ST7: variants seen among roughly 807,000 people sequenced by gnomAD.
ST7 encodes suppression of tumorigenicity 7.
Under a neutral mutation model 78.7 loss-of-function variants are expected in ST7, and 28 were observed. That is an observed-to-expected ratio of 0.36 (90% confidence interval 0.26 to 0.49). The LOEUF is 0.49. ST7 is among the 20% of genes least tolerant of loss of function. The probability of loss-of-function intolerance (pLI) is 0.99; values close to 1 mark genes in which losing one functional copy is unlikely to be tolerated. For missense variants in ST7, 418 were observed against 696.0 expected, an observed-to-expected ratio of 0.60 and a Z score of 4.49; for synonymous variants, 247 against 249.6, an observed-to-expected ratio of 0.99 and a Z score of 0.10.
intron 2 of ST7, among the ~76,000 whole-genome samples, chr7:117,103,041 A>C (rs1178020099): frequency 6.6e-6 from 1 of 152,204 alleles, no homozygotes; most frequent in Non-Finnish European, 1.5e-5. Flanking sequence ...AGATGCATAC[A>C]AGGAAAACTA....
chr7:117,126,971 G>T (rs568910533), intron 3 of ST7, among the ~76,000 whole-genome samples: 24 of 151,990 alleles, frequency 1.6e-4, no homozygotes, highest in Non-Finnish European at 2.9e-4. Context: ...GTCAGCACTT[G>T]TGAGTAGAGA....
chr7:117,172,235 A>G (rs566800010), intron 10 of ST7, among the ~76,000 whole-genome samples: 6 of 152,324 alleles, frequency 3.9e-5, no homozygotes, highest in African/African-American at 1.2e-4. Flanking sequence ...GTGAGCCACC[A>G]CACCTGGCCA....
intron 7 of ST7, among the ~76,000 whole-genome samples, chr7:117,135,302 T>C (rs569069149): frequency 6.6e-6 from 1 of 152,232 alleles, no homozygotes; most frequent in South Asian, 2.1e-4. Flanking sequence ...TATGAGATGA[T>C]ATATGTTAAG....
intron 1 of ST7, among the ~76,000 whole-genome samples, chr7:116,965,320 A>G (rs1488941887): frequency 1.4e-5 from 2 of 145,476 alleles, no homozygotes; most frequent in Non-Finnish European, 3.0e-5. Flanking sequence ...AGCCTGGGCG[A>G]CTGAGTGAGA....
intron 9 of ST7, among the ~76,000 whole-genome samples, chr7:117,160,243 A>AAAAGAAAG (rs915033233): frequency 6.6e-6 from 1 of 150,500 alleles, no homozygotes; most frequent in African/African-American, 2.5e-5. Flanking sequence ...AAAAAAAAAA[A>AAAAGAAAG]AAAGAAAGAA....
chr7:117,004,482 G>A (rs902640494), intron 1 of ST7, among the ~76,000 whole-genome samples: 8 of 152,074 alleles, frequency 5.3e-5, no homozygotes, highest in Non-Finnish European at 8.8e-5. Context: ...CTAACATGGC[G>A]AAACCCCATC....
intron 1 of ST7, among the ~76,000 whole-genome samples, chr7:117,013,489 A>AT (rs1453710416): frequency 6.6e-6 from 1 of 152,216 alleles, no homozygotes; most frequent in Non-Finnish European, 1.5e-5. Flanking sequence ...GGAAGCACTG[A>AT]TTAGACGACT....
At chr7:117,105,099 T>G (rs1400213371) in intron 2 of ST7, among the ~76,000 whole-genome samples, 1 of 152,224 alleles carries the variant, frequency 6.6e-6, no homozygotes, top group East Asian at 1.9e-4. Flanking sequence ...TAAATAGTTC[T>G]CTTTGGAATT....
At position 117,190,970 on chromosome 7, in the gene ST7, TG is replaced by T; in HGVS notation, c.1254+35del. The T allele has an allele frequency of 6.5e-7, 1 of 1,535,948 alleles. No individual in the cohort carries two copies. Among genetic ancestry groups the T allele is most frequent in the East Asian group, 2.2e-5 (1 of 44,498 alleles). ...GTGGAATCCCCACAGGAACTCGTTA[TG>T]ATAGCAGAGAAAGCATTCATTGACC... On this transcript the variant is annotated intron_variant, in intron 12 of 15. Coordinates refer to ENST00000323984, the MANE Select transcript of ST7 (RefSeq NM_001369598.1). This position sits in a 1 kb window ranked among gnomAD's most constrained non-coding sequence, Gnocchi z 5.2.
At chr7:116,976,412 A>C (rs796747388) in intron 1 of ST7, among the ~76,000 whole-genome samples, 106 of 152,338 alleles carry the variant, frequency 7.0e-4, no homozygotes, top group African/African-American at 2.5e-3. Context: ...GACTTCAGGC[A>C]CTGAGCTCCA....
At chr7:117,111,887 G>A (rs931388683) in intron 2 of ST7, among the ~76,000 whole-genome samples, 2 of 152,112 alleles carry the variant, frequency 1.3e-5, no homozygotes, top group African/African-American at 4.8e-5. Context: ...TGCAGAAAAT[G>A]CTCCCCTTAA....
At chr7:117,124,948 A>AT (rs1803703893) in intron 3 of ST7, among the ~76,000 whole-genome samples, 1 of 152,064 alleles carries the variant, frequency 6.6e-6, no homozygotes, top group Non-Finnish European at 1.5e-5. Flanking sequence ...GACTCTTTAT[A>AT]TCCAGGCCAT....
intron 1 of ST7, among the ~76,000 whole-genome samples, chr7:117,010,418 G>T (rs1185084067): frequency 1.3e-5 from 2 of 152,166 alleles, no homozygotes; most frequent in Non-Finnish European, 2.9e-5. Context: ...TTTTGGGATA[G>T]GCCATGAGGT....
intron 13 of ST7, among the ~76,000 whole-genome samples, chr7:117,217,190 C>T (rs1792752198): frequency 6.6e-6 from 1 of 151,396 alleles, no homozygotes; most frequent in Non-Finnish European, 1.5e-5. Context: ...TTTATAGCCA[C>T]TTTGAAAACT....
intron 2 of ST7, among the ~76,000 whole-genome samples, chr7:117,110,596 A>T (rs1348650454): frequency 1.3e-5 from 2 of 152,102 alleles, no homozygotes; most frequent in African/African-American, 4.8e-5. Context: ...TCTGTCACTC[A>T]TTTCACTGCC....
At chr7:117,043,165 A>G (rs1284900357) in intron 1 of ST7, among the ~76,000 whole-genome samples, 1 of 152,178 alleles carries the variant, frequency 6.6e-6, no homozygotes, top group Non-Finnish European at 1.5e-5. Flanking sequence ...TAATCTTTGG[A>G]TATTTTCTAG....
At chr7:117,125,597 A>T (rs1463091619) in intron 3 of ST7, among the ~76,000 whole-genome samples, 17 of 152,070 alleles carry the variant, frequency 1.1e-4, no homozygotes, top group Admixed American at 1.1e-3. Flanking sequence ...CTTTAAATTG[A>T]TCTGAATAAT....
At chr7:117,040,504 A>G (rs1414092014) in intron 1 of ST7, among the ~76,000 whole-genome samples, 1 of 152,238 alleles carries the variant, frequency 6.6e-6, no homozygotes, top group African/African-American at 2.4e-5. Context: ...CTAGTGTTCA[A>G]TACATGTTTA....
chr7:117,106,926 A>C (rs1357644961), intron 2 of ST7, among the ~76,000 whole-genome samples: 3 of 150,976 alleles, frequency 2.0e-5, no homozygotes, highest in Non-Finnish European at 3.0e-5. Flanking sequence ...GGCCCATTGT[A>C]TCATTCTTAA....
Sources: gnomAD v4.1 joint callset for allele counts (sites outside exome capture counted in the v4.1 genomes callset) on GRCh38, gnomAD v4.1.1 for gene constraint, Gnocchi (gnomAD v3.1) non-coding constraint, MANE v1.5 for transcripts, NCBI Gene and HGNC (gene_info 2026-07-23, HGNC 2026-07-21) for gene names.